PRICKLE1: variants seen among roughly 807,000 people sequenced by gnomAD.
The protein encoded by PRICKLE1 is prickle planar cell polarity protein 1, also known as prickle-like protein 1.
Under a neutral mutation model 70.2 loss-of-function variants are expected in PRICKLE1, and 14 were observed. The observed-to-expected ratio is 0.20, with a 90% confidence interval of 0.13 to 0.31. PRICKLE1 has a LOEUF of 0.31. Ranked by LOEUF, PRICKLE1 falls within the 10% of genes least tolerant of loss-of-function variation. The probability of loss-of-function intolerance (pLI) is 1.00; values close to 1 mark genes in which losing one functional copy is unlikely to be tolerated. For missense variants in PRICKLE1, 821 were observed against 1,026.2 expected (o/e 0.80, Z 2.73); for synonymous variants, 357 against 379.9 (o/e 0.94, Z 0.70).
Position 42,577,965 on chromosome 12 carries a change from G to A in PRICKLE1, c.-49+11500C>T, listed in dbSNP as rs143479983. On this transcript the variant is annotated intron_variant, in intron 1 of 7. Coordinates refer to ENST00000345127, the MANE Select transcript of PRICKLE1 (RefSeq NM_153026.3). The stretch of plus-strand genomic sequence containing the variant: ...AAAGCTCCTTAGGAAGCTGCATCTC[G>A]AACTAAAAGGTAGCTTCCTCATCAG... Among the ~76,000 whole-genome samples the A allele has an allele frequency of 5.0e-3, 765 of 152,128 alleles. 10 individuals carry two copies. Among genetic ancestry groups the A allele is most frequent in the African/African-American group, 0.017 (718 of 41,506 alleles).
chr12:42,586,397 T>C (rs552455083), intron 1 of PRICKLE1, among the ~76,000 whole-genome samples: 3 of 152,130 alleles, frequency 2.0e-5, no homozygotes, highest in African/African-American at 7.2e-5. Context: ...TACCTTTTTT[T>C]TTTTTTTTCC....
chr12:42,523,030 C>T (rs1260730622), intron 1 of PRICKLE1, among the ~76,000 whole-genome samples: 3 of 150,576 alleles, frequency 2.0e-5, no homozygotes, highest in South Asian at 2.1e-4. Context: ...GGCACGATCT[C>T]GGCTCACTGC....
intron 1 of PRICKLE1, among the ~76,000 whole-genome samples, chr12:42,494,446 A>G (rs1447768976): frequency 6.6e-6 from 1 of 152,188 alleles, no homozygotes; most frequent in Admixed American, 6.5e-5. Context: ...CATTTCAACA[A>G]TGTTCACAGC....
rs149518219 is a variant in PRICKLE1 at position 42,460,658 on chromosome 12, C to T, written c.1647G>A (p.Ser549=). ...GCCTTGGCTTGTTTTCTCCATCCAC[C>T]GAAGCCCCTAGAAGAGAGGCCAAAA... ...SLALSNITGA[S]VDGENKPRPS... The change falls in exon 8 of 8, where the codon TCG becomes TCA. Residue 549 remains serine (S), a synonymous_variant. Coordinates refer to ENST00000345127, the MANE Select transcript of PRICKLE1 (RefSeq NM_153026.3). The T allele has an allele frequency of 2.0e-4, 328 of 1,608,672 alleles. No individual in the cohort carries two copies. The highest frequency in any genetic ancestry group is 2.7e-4 in the Non-Finnish European group (318 of 1,179,996).
intron 1 of PRICKLE1, among the ~76,000 whole-genome samples, chr12:42,503,809 G>A (rs1939357345): frequency 6.6e-6 from 1 of 152,124 alleles, no homozygotes; most frequent in Non-Finnish European, 1.5e-5. Context: ...ACTTAATAAA[G>A]GGATGAATGC....
intron 1 of PRICKLE1, among the ~76,000 whole-genome samples, chr12:42,553,514 C>G (rs1229641333): frequency 9.0e-6 from 1 of 110,892 alleles, no homozygotes; most frequent in Non-Finnish European, 1.7e-5. Context: ...CAAATTGGCT[C>G]TAGAATCAGG....
chr12:42,513,829 C>G (rs1242984437), intron 1 of PRICKLE1, among the ~76,000 whole-genome samples: 2 of 152,016 alleles, frequency 1.3e-5, no homozygotes, highest in South Asian at 2.1e-4. Context: ...AACCTCGTCT[C>G]TACTAAAAAT....
chr12:42,485,129 G>T (rs965007091), intron 1 of PRICKLE1, among the ~76,000 whole-genome samples: 1 of 150,500 alleles, frequency 6.6e-6, no homozygotes, highest in Non-Finnish European at 1.5e-5. Flanking sequence ...ATAGCTCATT[G>T]TAACTGTGAT....
chr12:42,514,895 A>ATCTATCTG (rs1555235188), intron 1 of PRICKLE1, among the ~76,000 whole-genome samples: 3 of 69,980 alleles, frequency 4.3e-5, no homozygotes, highest in Admixed American at 1.8e-4. Flanking sequence ...CGCTCTATCT[A>ATCTATCTG]TCTATCTATC....
At chr12:42,536,436 G>A (rs1940018181) in intron 1 of PRICKLE1, among the ~76,000 whole-genome samples, 1 of 152,102 alleles carries the variant, frequency 6.6e-6, no homozygotes. Flanking sequence ...ACCAATTCCT[G>A]TTTCCTCAGA....
intron 1 of PRICKLE1, among the ~76,000 whole-genome samples, chr12:42,533,623 G>A (rs1214608537): frequency 6.6e-6 from 1 of 152,026 alleles, no homozygotes; most frequent in Admixed American, 6.6e-5. Flanking sequence ...AGTGCTTGGG[G>A]GAATTGTATA....
intron 1 of PRICKLE1, among the ~76,000 whole-genome samples, chr12:42,569,569 T>C (rs989495695): frequency 6.6e-6 from 1 of 152,240 alleles, no homozygotes; most frequent in African/African-American, 2.4e-5. Flanking sequence ...AGTAATCTTT[T>C]TCAGCTTGTA....
chr12:42,475,330 T>C (rs886878630), intron 1 of PRICKLE1, among the ~76,000 whole-genome samples: 8 of 152,198 alleles, frequency 5.3e-5, no homozygotes, highest in African/African-American at 1.9e-4. Flanking sequence ...CTGGTACCAT[T>C]AGTGTTACGG....
At position 42,560,516 on chromosome 12, in the gene PRICKLE1, GAC is replaced by G. The variant is rs1940493445; in HGVS notation, c.-49+28947_-49+28948del. The stretch of plus-strand genomic sequence containing the variant: ...TTCTATTATCTGGGACTATTTGTTA[GAC>G]AGGGTGGAAACAGAAAGAGAATATG... On this transcript the variant is annotated intron_variant, in intron 1 of 7. Coordinates refer to ENST00000345127, the MANE Select transcript of PRICKLE1 (RefSeq NM_153026.3). 3.5e-5 allele frequency among the ~76,000 whole-genome samples: 3 copies of G among 86,746 alleles called. No homozygotes were observed. The African/African-American group carries it at 3.5e-4, about 10-fold the overall frequency. 56.9% of individuals were successfully genotyped at this position (86,746 alleles called of 152,430 possible).
In PRICKLE1 at chr12:42,559,625, T is replaced by TATATA. The variant is rs1491144082; in HGVS notation, c.-49+29839_-49+29840insTATAT. On this transcript the variant is annotated intron_variant, in intron 1 of 7. Transcript: ENST00000345127. Reference sequence around the variant, plus strand: ...GTGTGTGTATATATATATATATATATTTTTTTTTTTTGGGGGGGGTAGAGA... The same window carrying TATATA: ...GTGTGTGTATATATATATATATATATATATATTTTTTTTTTTGGGGGGGGTAGAGA... 9.7e-3 allele frequency among the ~76,000 whole-genome samples: 190 copies of TATATA among 19,542 alleles called. 2 individuals carry two copies. In the East Asian group the frequency reaches 0.14, roughly 14 times the overall value. 12.8% of individuals were successfully genotyped at this position (19,542 alleles called of 152,430 possible). A position where few individuals can be genotyped will look rare whatever the true frequency, so the allele number is the denominator to read the frequency against.
Position 42,459,304 on chromosome 12 carries a change from C to A in PRICKLE1, c.*505G>T, listed in dbSNP as rs1308388132. 3 of 701,832 alleles carry A rather than the reference C, an allele frequency of 4.3e-6. No homozygotes were observed. Among genetic ancestry groups the A allele is most frequent in the Admixed American group, 4.0e-5 (2 of 49,946 alleles). The allele number at this position is 701,832 out of a possible 1,614,324, so 43.5% of individuals were successfully genotyped here. The stretch of plus-strand genomic sequence containing the variant: ...TGGCGCTGATACAATACAATGTTTA[C>A]CTGGCCAAAGAGGGTTCGAGGGGAC... On this transcript the variant is annotated 3_prime_UTR_variant, in exon 8 of 8. Transcript: ENST00000345127.
chr12:42,540,280 G>A (rs943423096), intron 1 of PRICKLE1, among the ~76,000 whole-genome samples: 1 of 152,216 alleles, frequency 6.6e-6, no homozygotes, highest in Non-Finnish European at 1.5e-5. Context: ...TGGCTGCAGT[G>A]TCACAGTTAA....
rs549614110 is a variant in PRICKLE1, at chr12:42,479,931, G to T, written c.-48-7367C>A. On this transcript the variant is annotated intron_variant, in intron 1 of 7. Coordinates refer to ENST00000345127, the MANE Select transcript of PRICKLE1 (RefSeq NM_153026.3). Reference sequence around the variant, plus strand: ...ATCATGCCATTGCACTCCAGCCTGGGCAACAAGAGCGAAACTCCATCTTAA... The same window carrying T: ...ATCATGCCATTGCACTCCAGCCTGGTCAACAAGAGCGAAACTCCATCTTAA... Among the ~76,000 whole-genome samples the T allele has an allele frequency of 1.5e-3, 234 of 151,964 alleles. 1 individual carries two copies. The highest frequency in any genetic ancestry group is 5.6e-3 in the African/African-American group (232 of 41,424).
At position 42,589,522 on chromosome 12, in the gene PRICKLE1, T is replaced by TGGGCTGCG. The variant is rs561368128; in HGVS notation, c.-114_-107dup. ...GTCCTCGGCGCCGCTGCGGGGCTGC[T>TGGGCTGCG]GGGCTGCGGGGCTGCGGGGCTGAGG... On this transcript the variant is annotated 5_prime_UTR_variant, in exon 1 of 8. Transcript: ENST00000345127. This position sits in a 1 kb window ranked among gnomAD's most constrained non-coding sequence, Gnocchi z 5.0. 0.13 allele frequency: 20,360 copies of TGGGCTGCG among 154,092 alleles called. 1,717 individuals are homozygous for TGGGCTGCG. Among genetic ancestry groups the TGGGCTGCG allele is most frequent in the Non-Finnish European group, 0.19 (13,015 of 69,250 alleles). The allele number at this position is 154,092 out of a possible 1,614,324, so 9.5% of individuals were successfully genotyped here.
Sources: gnomAD v4.1 joint callset for allele counts (sites outside exome capture counted in the v4.1 genomes callset) on GRCh38, gnomAD v4.1.1 for gene constraint, Gnocchi (gnomAD v3.1) non-coding constraint, MANE v1.5 for transcripts, NCBI Gene and HGNC (gene_info 2026-07-23, HGNC 2026-07-21) for gene names.